TMEM132C: variants seen among roughly 807,000 people sequenced by gnomAD.
TMEM132C encodes transmembrane protein 132C, also known as protein phosphatase 1, regulatory subunit 152.
In TMEM132C, 29 loss-of-function variants were observed where a neutral mutation model predicts 61.4. The observed-to-expected ratio is 0.47, with a 90% CI of 0.35 to 0.64. The LOEUF is 0.64. Among genes scored for constraint, TMEM132C ranks in the 30% least tolerant of loss-of-function variants. The probability of loss-of-function intolerance (pLI) is 0.00; values close to 1 mark genes in which losing one functional copy is unlikely to be tolerated. For missense variants in TMEM132C, 1,408 were observed against 1,476.9 expected (o/e 0.95, Z 0.76); for synonymous variants, 656 against 633.1 (o/e 1.04, Z -0.54).
chr12:128,391,863 A>G (rs918125018), intron 1 of TMEM132C, among the ~76,000 whole-genome samples: 1 of 152,202 alleles, frequency 6.6e-6, no homozygotes, highest in Non-Finnish European at 1.5e-5. Flanking sequence ...GTCTGCTTTT[A>G]TATGGCCTTC....
At chr12:128,618,263 A>G (rs892239095) in intron 4 of TMEM132C, among the ~76,000 whole-genome samples, 41 of 152,222 alleles carry the variant, frequency 2.7e-4, no homozygotes, top group African/African-American at 9.9e-4. Flanking sequence ...TCAAGGGAGC[A>G]CAGGTCTTCC....
At chr12:128,461,627 G>A (rs1870536848) in intron 2 of TMEM132C, among the ~76,000 whole-genome samples, 1 of 152,112 alleles carries the variant, frequency 6.6e-6, no homozygotes, top group South Asian at 2.1e-4. Context: ...GCTCCATTGA[G>A]GGAATGATGG....
At position 128,293,992 on chromosome 12, in the gene TMEM132C, G is replaced by A. The variant is rs140882192; in HGVS notation, c.85+26505G>A. On this transcript the variant is annotated intron_variant, in intron 1 of 8. Coordinates refer to ENST00000435159, the MANE Select transcript of TMEM132C (RefSeq NM_001136103.3). The stretch of plus-strand genomic sequence containing the variant: ...ATTTGGTGCAGAATATTTCCGAAGG[G>A]GAATCAGGTGGTTGTGTCTGCTGGG... 4.5e-3 allele frequency: 702 copies of A among 154,560 alleles called. 5 individuals carry two copies. The highest frequency in any genetic ancestry group is 0.016 in the African/African-American group (649 of 41,618). 9.6% of individuals were successfully genotyped at this position (154,560 alleles called of 1,614,324 possible). A position where few individuals can be genotyped will look rare whatever the true frequency, so the allele number is the denominator to read the frequency against.
chr12:128,543,647 C>T (rs190884402), intron 2 of TMEM132C, among the ~76,000 whole-genome samples: 7 of 152,266 alleles, frequency 4.6e-5, no homozygotes, highest in Admixed American at 2.6e-4. Context: ...AGTGAGGAGA[C>T]GGACCCAGGC....
rs1189863000 is a variant in TMEM132C, at chr12:128,326,508, C to T, written c.85+59021C>T. ...CTCCAGAGGGGTCTTGGTTTTCCAT[C>T]CTGCCCTGAGCCTAGTGTGAGGTGG... On this transcript the variant is annotated intron_variant, in intron 1 of 8. Coordinates refer to ENST00000435159, the MANE Select transcript of TMEM132C (RefSeq NM_001136103.3). The surrounding 1 kb of genome is among the most constrained non-coding windows in gnomAD (Gnocchi z 5.6). Among the ~76,000 whole-genome samples the T allele has an allele frequency of 2.0e-5, 3 of 152,226 alleles. No homozygotes were observed. The highest frequency in any genetic ancestry group is 1.5e-5 in the Non-Finnish European group (1 of 68,050).
At chr12:128,683,379 G>A (rs761621864) in intron 5 of TMEM132C, among the ~76,000 whole-genome samples, 5 of 152,122 alleles carry the variant, frequency 3.3e-5, no homozygotes, top group South Asian at 2.1e-4. Context: ...GACACCCTCC[G>A]CCTACTTCTC....
chr12:128,316,999 C>G (rs144915872), intron 1 of TMEM132C, among the ~76,000 whole-genome samples: 75 of 152,314 alleles, frequency 4.9e-4, no homozygotes, highest in African/African-American at 1.8e-3. Flanking sequence ...CCCTTATGTA[C>G]TTTAGAATGC....
intron 1 of TMEM132C, among the ~76,000 whole-genome samples, chr12:128,409,606 A>G (rs1868461865): frequency 6.6e-6 from 1 of 152,166 alleles, no homozygotes; most frequent in Non-Finnish European, 1.5e-5. Flanking sequence ...GATTTTTTTA[A>G]AAAACACTGT....
intron 4 of TMEM132C, among the ~76,000 whole-genome samples, chr12:128,664,047 CGCGG>C (rs1350950397): frequency 1.1e-4 from 12 of 107,976 alleles, no homozygotes; most frequent in Non-Finnish European, 2.5e-4. Context: ...CACGCACGCA[CGCGG>C]GCACTCACAG....
At chr12:128,644,879 G>C (rs1009430866) in intron 4 of TMEM132C, among the ~76,000 whole-genome samples, 12 of 152,174 alleles carry the variant, frequency 7.9e-5, no homozygotes, top group African/African-American at 2.7e-4. Flanking sequence ...TGTTTGCTGG[G>C]ACGCGTTGTG....
At chr12:128,318,550 C>T (rs919582030) in intron 1 of TMEM132C, among the ~76,000 whole-genome samples, 1 of 152,200 alleles carries the variant, frequency 6.6e-6, no homozygotes, top group Non-Finnish European at 1.5e-5. Flanking sequence ...TAATTACATT[C>T]TTAATTACAG....
chr12:128,320,337 C>T (rs943103340), intron 1 of TMEM132C, among the ~76,000 whole-genome samples: 2 of 152,006 alleles, frequency 1.3e-5, no homozygotes, highest in Non-Finnish European at 2.9e-5. Context: ...TGTTGACTTC[C>T]ATTGATTAGT....
chr12:128,556,144 T>A (rs1401504504), intron 3 of TMEM132C, among the ~76,000 whole-genome samples: 1 of 152,126 alleles, frequency 6.6e-6, no homozygotes, highest in Non-Finnish European at 1.5e-5. Context: ...GAAGGAAGAT[T>A]TTACTGGAGA....
intron 5 of TMEM132C, among the ~76,000 whole-genome samples, chr12:128,675,997 T>C (rs1011101059): frequency 9.2e-5 from 14 of 152,202 alleles, no homozygotes; most frequent in Admixed American, 1.3e-4. Flanking sequence ...GAATATTCTT[T>C]TACATACCCA....
rs71449340 is a variant in TMEM132C, at chr12:128,319,354, C to CGAGA, written c.85+51882_85+51885dup. 9.5e-4 allele frequency among the ~76,000 whole-genome samples: 142 copies of CGAGA among 149,384 alleles called. 1 individual carries two copies. Among genetic ancestry groups the CGAGA allele is most frequent in the Non-Finnish European group, 1.3e-3 (86 of 67,190 alleles). ...TCCCTCCACTCAAGATTTGCAGTCC[C>CGAGA]GAGAGAGAGAGAGAGAGACAGAGAG... On this transcript the variant is annotated intron_variant, in intron 1 of 8. Coordinates refer to ENST00000435159, the MANE Select transcript of TMEM132C (RefSeq NM_001136103.3).
At chr12:128,499,897 A>G (rs569126179) in intron 2 of TMEM132C, among the ~76,000 whole-genome samples, 1 of 152,312 alleles carries the variant, frequency 6.6e-6, no homozygotes, top group Non-Finnish European at 1.5e-5. Context: ...TTTTGGATAT[A>G]TACCCAGTAG....
chr12:128,350,682 A>G (rs1003817597), intron 1 of TMEM132C, among the ~76,000 whole-genome samples: 8 of 151,992 alleles, frequency 5.3e-5, no homozygotes, highest in African/African-American at 1.9e-4. Context: ...TGTGTCCCAG[A>G]TTGGAGCTGT....
At chr12:128,296,156 A>G (rs1371067785) in intron 1 of TMEM132C, among the ~76,000 whole-genome samples, 8 of 152,202 alleles carry the variant, frequency 5.3e-5, no homozygotes, top group Non-Finnish European at 8.8e-5. Context: ...AACCCAGGAG[A>G]CAGGACTCAG....
chr12:128,518,611 T>C (rs1872796591), intron 2 of TMEM132C, among the ~76,000 whole-genome samples: 1 of 152,224 alleles, frequency 6.6e-6, no homozygotes, highest in Admixed American at 6.5e-5. Flanking sequence ...GAAGATACCT[T>C]TTGTAAATTT....
Sources: gnomAD v4.1 joint callset for allele counts (sites outside exome capture counted in the v4.1 genomes callset) on GRCh38, gnomAD v4.1.1 for gene constraint, Gnocchi (gnomAD v3.1) non-coding constraint, MANE v1.5 for transcripts, NCBI Gene and HGNC (gene_info 2026-07-23, HGNC 2026-07-21) for gene names.